The following ITPK1 variants were observed in gnomAD, a reference collection of about 807,000 sequenced individuals.
ITPK1 encodes the protein inositol 1,3,4-trisphosphate 5/6-kinase.
Under a neutral mutation model 45.3 loss-of-function variants are expected in ITPK1, and 21 were observed. The observed-to-expected ratio is 0.46, with a 90% CI of 0.33 to 0.67. ITPK1 has a LOEUF of 0.67. Among genes scored for constraint, ITPK1 ranks in the 30% least tolerant of loss-of-function variants. The pLI is 0.02. For missense variants in ITPK1, 474 were observed against 573.5 expected, an observed-to-expected ratio of 0.83 and a Z score of 1.77; for synonymous variants, 258 against 253.6, an observed-to-expected ratio of 1.02 and a Z score of -0.16.
At chr14:92,983,633 G>C (rs1024288592) in intron 5 of ITPK1, among the ~76,000 whole-genome samples, 5 of 152,124 alleles carry the variant, frequency 3.3e-5, no homozygotes, top group African/African-American at 1.2e-4. Flanking sequence ...CATCAATCGA[G>C]GTGGGTACGG....
At chr14:92,987,973 G>A (rs369552967) in intron 5 of ITPK1, among the ~76,000 whole-genome samples, 42 of 152,334 alleles carry the variant, frequency 2.8e-4, no homozygotes, top group African/African-American at 7.5e-4. Context: ...TGCAGCTGGC[G>A]CTTAGCCGCC....
At chr14:93,057,133 C>A (rs1890243412) in intron 3 of ITPK1, among the ~76,000 whole-genome samples, 1 of 152,188 alleles carries the variant, frequency 6.6e-6, no homozygotes, top group African/African-American at 2.4e-5. Context: ...ATGAGCCTCA[C>A]AGGCGACTTG....
intron 2 of ITPK1, among the ~76,000 whole-genome samples, chr14:93,095,410 A>C (rs1892035947): frequency 1.3e-5 from 2 of 152,158 alleles, no homozygotes; most frequent in Non-Finnish European, 2.9e-5. Context: ...GCTAGACAGG[A>C]GCAGAAGCAA....
chr14:92,971,815 C>T (rs1025765499), intron 5 of ITPK1, among the ~76,000 whole-genome samples: 1 of 152,228 alleles, frequency 6.6e-6, no homozygotes, highest in Non-Finnish European at 1.5e-5. Flanking sequence ...GGTGAGGCCA[C>T]GCCCATGAGG....
In ITPK1 at chr14:93,050,582, C is replaced by T. The variant is rs1177105423; in HGVS notation, c.120+26013G>A. Among the ~76,000 whole-genome samples, 3 of 152,262 alleles carry T rather than the reference C, an allele frequency of 2.0e-5. No homozygotes were observed. In the East Asian group the frequency reaches 5.8e-4, roughly 29 times the overall value. ...AAGGCATCGATGCACACTTTGAGGG[C>T]CTGCCTTGGCTCCTGCACCCCACCT... On this transcript the variant is annotated intron_variant, in intron 3 of 10. Coordinates refer to ENST00000267615, the MANE Select transcript of ITPK1 (RefSeq NM_014216.6).
chr14:93,061,269 T>C (rs991563643), intron 3 of ITPK1, among the ~76,000 whole-genome samples: 2 of 152,152 alleles, frequency 1.3e-5, no homozygotes, highest in African/African-American at 4.8e-5. Flanking sequence ...ACCTTAGAGG[T>C]TGGTGTTACG....
chr14:93,105,067 A>C (rs1892467580), intron 2 of ITPK1, among the ~76,000 whole-genome samples: 2 of 152,212 alleles, frequency 1.3e-5, no homozygotes, highest in South Asian at 4.1e-4. Flanking sequence ...TCTTTTGAGA[A>C]GGAATTTGGC....
At chr14:93,103,171 G>A (rs1182262465) in intron 2 of ITPK1, among the ~76,000 whole-genome samples, 5 of 150,876 alleles carry the variant, frequency 3.3e-5, no homozygotes, top group Admixed American at 6.6e-5. Context: ...GCTTACGCCT[G>A]TAATCCCAGC....
chr14:93,017,376 T>C (rs990284033), intron 3 of ITPK1, among the ~76,000 whole-genome samples: 2 of 152,236 alleles, frequency 1.3e-5, no homozygotes, highest in African/African-American at 4.8e-5. Context: ...TCTGGGCTCA[T>C]CGGGAGAAGC....
intron 3 of ITPK1, chr14:93,069,136 C>T (rs1156481198): frequency 6.5e-6 from 1 of 153,790 alleles, no homozygotes; most frequent in Non-Finnish European, 1.5e-5. Context: ...AGCACATCAC[C>T]CCTCACTAGG....
At chr14:92,962,259 A>C (rs933137252) in intron 7 of ITPK1, 96 bp downstream of exon 7, 13 of 892,932 alleles carry the variant, frequency 1.5e-5, no homozygotes, top group Middle Eastern at 4.8e-4. Flanking sequence ...GCAGGGCAGG[A>C]GCAGTGGCAG....
intron 5 of ITPK1, among the ~76,000 whole-genome samples, chr14:92,990,862 C>T (rs770603083): frequency 2.0e-4 from 30 of 152,152 alleles, no homozygotes; most frequent in Admixed American, 8.5e-4. Flanking sequence ...CCACCCCCAC[C>T]GCAAAGCAGG....
At chr14:92,969,220 C>T (rs900247827) in intron 5 of ITPK1, among the ~76,000 whole-genome samples, 1 of 152,128 alleles carries the variant, frequency 6.6e-6, no homozygotes, top group African/African-American at 2.4e-5. Context: ...TCCCTGTCCT[C>T]GAGGAGCTTA....
At chr14:93,078,946 G>A (rs1397439292) in intron 2 of ITPK1, among the ~76,000 whole-genome samples, 3 of 151,992 alleles carry the variant, frequency 2.0e-5, no homozygotes, top group African/African-American at 7.3e-5. Context: ...ACCGCACAAT[G>A]GGAAAGGCCG....
At position 92,939,721 on chromosome 14, in the gene ITPK1, G is replaced by A. The variant is rs1174678897; in HGVS notation, c.*1840C>T. ...GTACAGGAACACAGCCAGGAGTCAC[G>A]CTGCACACCCCCACCCGTACCTGAG... On this transcript the variant is annotated 3_prime_UTR_variant, in exon 11 of 11. Coordinates refer to ENST00000267615, the MANE Select transcript of ITPK1 (RefSeq NM_014216.6). The A allele has an allele frequency of 2.0e-6, 2 of 985,326 alleles. No homozygotes were observed. The highest frequency in any genetic ancestry group is 3.5e-5 in the African/African-American group (2 of 57,184). The allele number at this position is 985,326 out of a possible 1,614,324, so 61.0% of individuals were successfully genotyped here. A position where few individuals can be genotyped will look rare whatever the true frequency, so the allele number is the denominator to read the frequency against.
intron 3 of ITPK1, among the ~76,000 whole-genome samples, chr14:93,033,851 G>A (rs1468372943): frequency 1.3e-5 from 2 of 152,136 alleles, no homozygotes; most frequent in Non-Finnish European, 2.9e-5. Context: ...CACAGGGGTA[G>A]CTAGGTGGAG....
intron 2 of ITPK1, among the ~76,000 whole-genome samples, chr14:93,077,003 C>G (rs965665081): frequency 2.0e-5 from 3 of 152,190 alleles, no homozygotes; most frequent in African/African-American, 7.2e-5. Flanking sequence ...CCCATAGGTC[C>G]CCATGTCCTC....
intron 3 of ITPK1, among the ~76,000 whole-genome samples, chr14:93,033,782 T>C (rs1334577189): frequency 6.6e-6 from 1 of 151,792 alleles, no homozygotes; most frequent in Non-Finnish European, 1.5e-5. Context: ...ACGGAGTGTG[T>C]GAATGTGCGT....
intron 2 of ITPK1, among the ~76,000 whole-genome samples, chr14:93,104,763 A>G (rs529618045): frequency 6.6e-6 from 1 of 152,272 alleles, no homozygotes; most frequent in South Asian, 2.1e-4. Context: ...ATGAGCCATG[A>G]ATGTACAAGG....
Sources: gnomAD v4.1 joint callset for allele counts (sites outside exome capture counted in the v4.1 genomes callset) on GRCh38, gnomAD v4.1.1 for gene constraint, MANE v1.5 for transcripts, NCBI Gene and HGNC (gene_info 2026-07-23, HGNC 2026-07-21) for gene names.